CNIH3: variants seen among roughly 807,000 people sequenced by gnomAD.
CNIH3 encodes protein cornichon homolog 3.
CNIH3 carries 14 observed loss-of-function variants against 24.1 expected under a neutral mutation model. That is an observed-to-expected ratio of 0.58 (90% CI 0.38 to 0.91). The LOEUF is 0.91. Ranked by LOEUF, CNIH3 falls within the 40% of genes least tolerant of loss-of-function variation. The pLI is 0.00. For missense variants in CNIH3, 178 were observed against 196.8 expected (o/e 0.90, Z 0.57); for synonymous variants, 68 against 73.8 (o/e 0.92, Z 0.40).
intron 1 of CNIH3, among the ~76,000 whole-genome samples, chr1:224,501,684 G>A (rs1481273400): frequency 6.6e-6 from 1 of 151,736 alleles, no homozygotes; most frequent in Admixed American, 6.6e-5. Flanking sequence ...AGGTTCAAGC[G>A]ATTTTCCTGT....
At chr1:224,454,667 GTCT>G (rs372826508) in intron 1 of CNIH3, among the ~76,000 whole-genome samples, 2 of 152,302 alleles carry the variant, frequency 1.3e-5, no homozygotes, top group East Asian at 3.9e-4. Context: ...GGCTCAGAAA[GTCT>G]TCTGCTTCTG....
intron 3 of CNIH3, among the ~76,000 whole-genome samples, chr1:224,609,380 C>T (rs1159875446): frequency 6.6e-6 from 1 of 152,066 alleles, no homozygotes; most frequent in Non-Finnish European, 1.5e-5. Context: ...CATCCAAACC[C>T]CACCAAGAGA....
chr1:224,608,844 G>A (rs1476837331), intron 3 of CNIH3, among the ~76,000 whole-genome samples: 1 of 152,156 alleles, frequency 6.6e-6, no homozygotes, highest in Non-Finnish European at 1.5e-5. Flanking sequence ...TACTGAAGTT[G>A]TACACGTGCT....
downstream of CNIH3, among the ~76,000 whole-genome samples, chr1:224,539,504 T>C (rs1275297364): frequency 6.6e-6 from 1 of 152,244 alleles, no homozygotes; most frequent in Non-Finnish European, 1.5e-5. Flanking sequence ...CCAGTTCAGA[T>C]AGTTTTACCT....
At chr1:224,451,452 A>C (rs1323052502) in intron 1 of CNIH3, among the ~76,000 whole-genome samples, 1 of 152,184 alleles carries the variant, frequency 6.6e-6, no homozygotes, top group Non-Finnish European at 1.5e-5. Flanking sequence ...AAGTGTTCCC[A>C]TTCTTGTGGT....
chr1:224,486,781 T>C (rs6696073), intron 1 of CNIH3, among the ~76,000 whole-genome samples: 94,528 of 152,134 alleles, frequency 0.62, 30,270 homozygotes, highest in East Asian at 0.94. Context: ...ACCTTCAAGA[T>C]GATTGTTTGG....
chr1:224,682,922 A>G lies in CNIH3; in HGVS notation c.151-1874A>G, dbSNP rs528472077. On this transcript the variant is annotated intron_variant, in intron 2 of 5. Transcript: ENST00000272133. Reference sequence around the variant, plus strand: ...TCCTACTGCTCAATTCTATCATGCAAATTCCATGCTGGGTTGCAGGTGATT... The same window carrying G: ...TCCTACTGCTCAATTCTATCATGCAGATTCCATGCTGGGTTGCAGGTGATT... Among the ~76,000 whole-genome samples, 5 of 152,338 alleles carry G rather than the reference A, an allele frequency of 3.3e-5. No individual in the cohort carries two copies. In the East Asian group the frequency reaches 5.8e-4, roughly 18 times the overall value.
At chr1:224,518,998 A>G (rs530637310) in intron 1 of CNIH3, among the ~76,000 whole-genome samples, 2 of 152,332 alleles carry the variant, frequency 1.3e-5, no homozygotes, top group African/African-American at 4.8e-5. Context: ...TCATCCATAA[A>G]AGGAATTAAT....
At chr1:224,632,976 T>C (rs1683900647) in intron 1 of CNIH3, among the ~76,000 whole-genome samples, 1 of 152,068 alleles carries the variant, frequency 6.6e-6, no homozygotes, top group African/African-American at 2.4e-5. Context: ...TTTCCTTGTG[T>C]GTGAAATGAA....
intron 1 of CNIH3, among the ~76,000 whole-genome samples, chr1:224,631,861 T>TA (rs942816732): frequency 2.6e-5 from 4 of 152,048 alleles, no homozygotes; most frequent in Non-Finnish European, 5.9e-5. Flanking sequence ...TCATGAACTC[T>TA]AAAAAAAGAG....
At chr1:224,538,481 G>A (rs934759102), downstream of CNIH3, among the ~76,000 whole-genome samples, 3 of 152,034 alleles carry the variant, frequency 2.0e-5, no homozygotes, top group African/African-American at 7.2e-5. Context: ...CACCGAATGA[G>A]GTTGCTATAT....
At chr1:224,563,460 GGTGTGTGTGT>G (rs55836837) in intron 3 of CNIH3, among the ~76,000 whole-genome samples, 23 of 146,474 alleles carry the variant, frequency 1.6e-4, no homozygotes, top group East Asian at 1.0e-3. Flanking sequence ...TTTTAGACGG[GGTGTGTGTGT>G]GTGTGTGTGT....
intron 3 of CNIH3, among the ~76,000 whole-genome samples, chr1:224,557,579 C>T (rs1201949787): frequency 6.6e-6 from 1 of 152,178 alleles, no homozygotes; most frequent in Non-Finnish European, 1.5e-5. Context: ...GATTCTCCTG[C>T]CTCAGCCTCC....
chr1:224,545,851 A>G (rs1184746861), intron 2 of CNIH3, among the ~76,000 whole-genome samples: 22 of 152,176 alleles, frequency 1.4e-4, no homozygotes, highest in Admixed American at 1.4e-3. Context: ...AATACCACGG[A>G]CTGGGTGGCT....
chr1:224,647,349 A>T (rs2125100208), intron 1 of CNIH3, among the ~76,000 whole-genome samples: 1 of 152,328 alleles, frequency 6.6e-6, no homozygotes, highest in African/African-American at 2.4e-5. Context: ...TCCGATAAAA[A>T]GTTTATTCTT....
intron 1 of CNIH3, among the ~76,000 whole-genome samples, chr1:224,487,867 T>C (rs1677087930): frequency 6.6e-6 from 1 of 152,184 alleles, no homozygotes; most frequent in Non-Finnish European, 1.5e-5. Flanking sequence ...ACAGAGGCCA[T>C]TGGAAACCCT....
chr1:224,531,007 A>G (rs1426686463), intron 2 of CNIH3, among the ~76,000 whole-genome samples: 1 of 152,150 alleles, frequency 6.6e-6, no homozygotes, highest in East Asian at 1.9e-4. Context: ...CTAGCTGAAT[A>G]GAGCAGACTT....
At position 224,526,463 on chromosome 1, in the gene CNIH3, G is replaced by T. The variant is rs147675571; in HGVS notation, n.343+5136G>T. On this transcript the variant is annotated intron_variant and non_coding_transcript_variant, in intron 2 of 2. Transcript: ENST00000470602. ...AGCAGAGAGCTCCCACCAGACACCG[G>T]AGCTGCTCGTGCCTGAGCTTGGACT... is the stretch of plus-strand genomic sequence containing the variant. Among the ~76,000 whole-genome samples, 759 of 152,274 alleles carry T rather than the reference G, an allele frequency of 5.0e-3. 10 individuals are homozygous for T. Among genetic ancestry groups the T allele is most frequent in the African/African-American group, 0.016 (675 of 41,546 alleles).
intron 3 of CNIH3, among the ~76,000 whole-genome samples, chr1:224,607,310 A>C (rs1222159790): frequency 6.6e-6 from 1 of 152,212 alleles, no homozygotes; most frequent in Non-Finnish European, 1.5e-5. Flanking sequence ...ACACATAACC[A>C]CTGCAACATC....
Sources: allele counts gnomAD v4.1 joint callset (sites outside exome capture counted in the v4.1 genomes callset), GRCh38; gene constraint gnomAD v4.1.1; transcripts MANE v1.5; gene names NCBI Gene and HGNC (gene_info 2026-07-23, HGNC 2026-07-21).